The following NAA15 variants were observed in gnomAD, a reference collection of about 807,000 sequenced individuals.
NAA15 encodes N-alpha-acetyltransferase 15, NatA auxiliary subunit.
A neutral mutation model predicts 114.0 loss-of-function variants in NAA15; 34 were observed. The observed-to-expected ratio is 0.30, with a 90% CI of 0.23 to 0.40. The LOEUF (loss-of-function observed/expected upper bound fraction) is 0.40, where lower values mean the gene tolerates loss of function less well. Ranked by LOEUF, NAA15 falls within the 10% of genes least tolerant of loss-of-function variation. The probability of loss-of-function intolerance (pLI) is 1.00; values close to 1 mark genes in which losing one functional copy is unlikely to be tolerated. For synonymous variants in NAA15, 340 were observed against 338.0 expected (o/e 1.01, Z -0.06); for missense variants, 658 against 1,004.5 (o/e 0.66, Z 4.66).
intron 14 of NAA15, among the ~76,000 whole-genome samples, chr4:139,365,860 GAA>G (rs766834900): frequency 4.6e-5 from 7 of 151,282 alleles, no homozygotes; most frequent in Non-Finnish European, 8.9e-5. Flanking sequence ...AAGAAAAAAA[GAA>G]AGAGAGAAAA....
chr4:139,327,110 AT>A (rs1355706322), intron 1 of NAA15, among the ~76,000 whole-genome samples: 1 of 151,644 alleles, frequency 6.6e-6, no homozygotes, highest in Non-Finnish European at 1.5e-5. Context: ...TAATTTTTTG[AT>A]TTTTTTGTAG....
chr4:139,380,357 TGTATTTTCAAAATGAA>T (rs1182224602), intron 17 of NAA15, among the ~76,000 whole-genome samples: 1 of 152,172 alleles, frequency 6.6e-6, no homozygotes, highest in Admixed American at 6.5e-5. Context: ...ATGGAGTATA[TGTATTTTCAAAATGAA>T]GTATTTTCAA....
Position 139,388,317 on chromosome 4 carries a change from T to TA in NAA15, c.*239dup, listed in dbSNP as rs1293837161. ...ATTAAAGCTGCTAAAATTGAGTGGTTAAAAAAGATACCTTATCCTATTCCT... is the reference window on the plus strand; with the variant it reads ...ATTAAAGCTGCTAAAATTGAGTGGTTAAAAAAAGATACCTTATCCTATTCCT... On this transcript the variant is annotated 3_prime_UTR_variant, in exon 20 of 20. Coordinates refer to ENST00000296543, the MANE Select transcript of NAA15 (RefSeq NM_057175.5). 1.5e-5 allele frequency: 5 copies of TA among 338,520 alleles called. No individual in the cohort carries two copies. The highest frequency in any genetic ancestry group is 5.2e-5 in the East Asian group (1 of 19,140). The allele number at this position is 338,520 out of a possible 1,614,324, so 21.0% of individuals were successfully genotyped here.
At chr4:139,356,645 T>A (rs1747957984) in intron 10 of NAA15, 3 of 152,180 alleles carry the variant, frequency 2.0e-5, no homozygotes. Flanking sequence ...AAAAATTTTT[T>A]AAAAAGCAAT....
chr4:139,363,385 A>G (rs752112245), intron 14 of NAA15, among the ~76,000 whole-genome samples: 20 of 152,148 alleles, frequency 1.3e-4, no homozygotes, highest in South Asian at 2.1e-4. Flanking sequence ...TTTATGCACA[A>G]CTAGTTTCCA....
At chr4:139,345,482 G>T (rs1747549541) in intron 6 of NAA15, among the ~76,000 whole-genome samples, 1 of 152,172 alleles carries the variant, frequency 6.6e-6, no homozygotes, top group African/African-American at 2.4e-5. Context: ...TAATGAGGAA[G>T]AATGGCAGAT....
intron 6 of NAA15, among the ~76,000 whole-genome samples, chr4:139,345,402 G>T (rs1159567492): frequency 6.6e-6 from 1 of 152,166 alleles, no homozygotes; most frequent in Non-Finnish European, 1.5e-5. Flanking sequence ...CAGAGTCAAG[G>T]CTTGGGCCTC....
intron 15 of NAA15, 65 bp downstream of exon 15, chr4:139,370,469 A>C: frequency 1.4e-6 from 2 of 1,456,398 alleles, no homozygotes; most frequent in African/African-American, 2.8e-5. Context: ...TCATTTTTAT[A>C]CTGTCTTATT....
intron 5 of NAA15, among the ~76,000 whole-genome samples, chr4:139,343,284 C>T (rs1435360405): frequency 6.6e-6 from 1 of 152,062 alleles, no homozygotes; most frequent in East Asian, 1.9e-4. Flanking sequence ...GTTTTCAGTT[C>T]TCTAGATAGT....
At chr4:139,362,827 T>A (rs1271621870) in intron 14 of NAA15, among the ~76,000 whole-genome samples, 1 of 151,710 alleles carries the variant, frequency 6.6e-6, no homozygotes, top group African/African-American at 2.4e-5. Context: ...TACAAAAATA[T>A]GAATTTTGTG....
intron 10 of NAA15, among the ~76,000 whole-genome samples, chr4:139,355,151 T>A (rs1747906716): frequency 6.6e-6 from 1 of 152,120 alleles, no homozygotes; most frequent in Non-Finnish European, 1.5e-5. Context: ...AGTCCTGGGA[T>A]TATAGGCATG....
At chr4:139,315,008 T>TG in intron 1 of NAA15, among the ~76,000 whole-genome samples, 1 of 96,728 alleles carries the variant, frequency 1.0e-5, no homozygotes, top group Admixed American at 1.0e-4. Context: ...CAGTTTAGTT[T>TG]AGGTTAGGTT....
At chr4:139,367,046 T>G (rs1237395181) in intron 14 of NAA15, among the ~76,000 whole-genome samples, 1 of 152,234 alleles carries the variant, frequency 6.6e-6, no homozygotes, top group Non-Finnish European at 1.5e-5. Flanking sequence ...TTGAGTATAG[T>G]TTTTTATTTT....
intron 9 of NAA15, 75 bp from the exon 10 acceptor site, chr4:139,353,951 A>C (rs1579117309): frequency 8.4e-7 from 1 of 1,191,144 alleles, no homozygotes; most frequent in East Asian, 2.3e-5. Context: ...TTTTAGTAGA[A>C]AATAACACAT....
chr4:139,373,471 G>A (rs1267478753), intron 15 of NAA15, among the ~76,000 whole-genome samples: 2 of 152,210 alleles, frequency 1.3e-5, no homozygotes, highest in South Asian at 4.1e-4. Context: ...TAAAATCAAA[G>A]TATTAATAAA....
chr4:139,361,212 T>G (rs1018419274), intron 13 of NAA15, among the ~76,000 whole-genome samples: 4 of 152,152 alleles, frequency 2.6e-5, no homozygotes, highest in Non-Finnish European at 4.4e-5. Flanking sequence ...CAAAGCTTAG[T>G]TGAAATGCAT....
chr4:139,322,931 C>T (rs1243578465), intron 1 of NAA15, among the ~76,000 whole-genome samples: 1 of 150,206 alleles, frequency 6.7e-6, no homozygotes, highest in South Asian at 2.1e-4. Context: ...CCTCAAGTGA[C>T]CCGCCCACCT....
chr4:139,337,401 CTTAGGT>C (rs1747234685), intron 3 of NAA15, among the ~76,000 whole-genome samples: 1 of 152,202 alleles, frequency 6.6e-6, no homozygotes, highest in African/African-American at 2.4e-5. Flanking sequence ...GTGTGCCTCA[CTTAGGT>C]TCAAAACCCA....
At chr4:139,347,697 T>G (rs771305239) in intron 6 of NAA15, among the ~76,000 whole-genome samples, 1 of 152,126 alleles carries the variant, frequency 6.6e-6, no homozygotes, top group Non-Finnish European at 1.5e-5. Flanking sequence ...TTGCTTGGAT[T>G]CAAATCCTAA....
Sources: allele counts gnomAD v4.1 joint callset (sites outside exome capture counted in the v4.1 genomes callset), GRCh38; gene constraint gnomAD v4.1.1; transcripts MANE v1.5; gene names NCBI Gene and HGNC (gene_info 2026-07-23, HGNC 2026-07-21).